Variants in SLC4A8 observed in about 807,000 individuals in gnomAD.
SLC4A8 encodes solute carrier family 4 member 8.
In SLC4A8, 40 loss-of-function variants were observed where a neutral mutation model predicts 125.0. The ratio of observed to expected loss-of-function variants is 0.32; its 90% confidence interval spans 0.25 to 0.42. SLC4A8 has a LOEUF of 0.42. Among genes scored for constraint, SLC4A8 ranks in the 10% least tolerant of loss-of-function variants. SLC4A8 has a pLI of 1.00. For synonymous variants in SLC4A8, 456 were observed against 476.0 expected (o/e 0.96, Z 0.55); for missense variants, 863 against 1,355.1 (o/e 0.64, Z 5.70).
chr12:51,465,731 A>G (rs1950491355), intron 11 of SLC4A8, among the ~76,000 whole-genome samples: 1 of 152,204 alleles, frequency 6.6e-6, no homozygotes, highest in African/African-American at 2.4e-5. Context: ...AAGGGCCTCA[A>G]GCCATATGAC....
At chr12:51,468,732 C>T (rs886712771) in intron 11 of SLC4A8, among the ~76,000 whole-genome samples, 2 of 152,186 alleles carry the variant, frequency 1.3e-5, no homozygotes, top group African/African-American at 4.8e-5. Flanking sequence ...TGCACTCCAA[C>T]CTGGGCAACA....
intron 22 of SLC4A8, 118 bp downstream of exon 22, chr12:51,497,242 AT>A: frequency 1.9e-6 from 2 of 1,058,320 alleles, no homozygotes; most frequent in Non-Finnish European, 2.7e-6. Context: ...AGCTGGGAAG[AT>A]TACCCCCAAA....
At chr12:51,402,735 A>G (rs1420166844) in intron 1 of SLC4A8, among the ~76,000 whole-genome samples, 1 of 152,192 alleles carries the variant, frequency 6.6e-6, no homozygotes, top group Non-Finnish European at 1.5e-5. Flanking sequence ...AAAATAAAAA[A>G]TGAAAGCTAA....
intron 2 of SLC4A8, among the ~76,000 whole-genome samples, chr12:51,450,166 C>A (rs1351255765): frequency 6.6e-6 from 1 of 152,094 alleles, no homozygotes; most frequent in Non-Finnish European, 1.5e-5. Flanking sequence ...TCATGACTTA[C>A]AACTAGTCTC....
chr12:51,470,937 A>G (rs1217729822), intron 13 of SLC4A8, among the ~76,000 whole-genome samples: 1 of 151,722 alleles, frequency 6.6e-6, no homozygotes, highest in Non-Finnish European at 1.5e-5. Context: ...ATTTTCCTAT[A>G]CAATCTTTTC....
Position 51,440,775 on chromosome 12 carries a change from A to G in SLC4A8, c.116A>G (p.Lys39Arg), listed in dbSNP as rs780060742. 2 of 1,607,760 alleles carry G rather than the reference A, an allele frequency of 1.2e-6. No homozygotes were observed. The highest frequency in any genetic ancestry group is 1.7e-6 in the Non-Finnish European group (2 of 1,178,228). ...TSTILNIHYE[K>R]EELEGHRTLY... Reference sequence around the variant, plus strand: ...ACAATTCTCAACATTCACTATGAAAAAGAAGAGCTGGAAGGTAAGAACTGC... The same window carrying G: ...ACAATTCTCAACATTCACTATGAAAGAGAAGAGCTGGAAGGTAAGAACTGC... The change falls in exon 2 of 25, where the codon AAA becomes AGA. Residue 39 changes from lysine to arginine, a missense_variant. Around this residue, in one of 6 missense-constraint regions of SLC4A8, gnomAD observed 104 missense variants for 116.4 expected, o/e 0.89. Transcript: ENST00000453097.
At chr12:51,418,819 G>A (rs1436014360) in intron 1 of SLC4A8, among the ~76,000 whole-genome samples, 1 of 152,108 alleles carries the variant, frequency 6.6e-6, no homozygotes. Context: ...AGAGTAGCTT[G>A]GATTGAATTT....
intron 1 of SLC4A8, among the ~76,000 whole-genome samples, chr12:51,401,401 G>A (rs1292570767): frequency 6.6e-6 from 1 of 152,216 alleles, no homozygotes; most frequent in Non-Finnish European, 1.5e-5. Flanking sequence ...AAGGGAGATG[G>A]AGTGGAAAGG....
At chr12:51,420,517 T>C (rs762993038), upstream of SLC4A8, among the ~76,000 whole-genome samples, 1 of 152,222 alleles carries the variant, frequency 6.6e-6, no homozygotes, top group Non-Finnish European at 1.5e-5. Context: ...GCCTCATGCT[T>C]CCTTGAGAAG....
chr12:51,504,082 G>A lies in SLC4A8; in HGVS notation c.3135G>A (p.Arg1045=), dbSNP rs887384073. Residue 1045 remains arginine (R), a synonymous_variant, in exon 23 of 25, where the codon AGG becomes AGA. Transcript: ENST00000453097. ...IGGDKFPLES[R]KLLSSPGKNI... is the part of the protein sequence containing the mutation. ...GAGACAAGTTTCCCTTAGAGAGCAGGAAGTTACTAAGTAGTCCTGGAAAGA... is the reference window on the plus strand; with the variant it reads ...GAGACAAGTTTCCCTTAGAGAGCAGAAAGTTACTAAGTAGTCCTGGAAAGA... 5 of 1,589,680 alleles carry A rather than the reference G, an allele frequency of 3.1e-6. No individual in the cohort carries two copies. The Admixed American group carries it at 8.8e-5, about 28-fold the overall frequency.
chr12:51,392,724 C>T (rs1948165680), intron 1 of SLC4A8: 1 of 152,086 alleles, frequency 6.6e-6, no homozygotes, highest in Non-Finnish European at 1.5e-5. Flanking sequence ...GAACCCTGAA[C>T]AATTAGTGGC....
rs759720783 is a variant in SLC4A8, at chr12:51,447,060, A to ATCTG, written c.131-3813_131-3812insGTCT. On this transcript the variant is annotated intron_variant, in intron 2 of 24. Transcript: ENST00000453097. ...TGCCTGTCTGTCTGTCTGTCTGTCT[A>ATCTG]TCTATCTGTCTATCTATCTATCTAT... Among the ~76,000 whole-genome samples, 1,157 of 151,918 alleles carry ATCTG rather than the reference A, an allele frequency of 7.6e-3. 8 individuals are homozygous for ATCTG. The highest frequency in any genetic ancestry group is 0.023 in the African/African-American group (945 of 41,346).
upstream of SLC4A8, among the ~76,000 whole-genome samples, chr12:51,422,449 G>A (rs918842005): frequency 6.6e-6 from 1 of 152,054 alleles, no homozygotes; most frequent in African/African-American, 2.4e-5. Context: ...GCCTCTCCTG[G>A]GCTCAGGTGA....
At chr12:51,480,307 T>C (rs1301113216) in intron 16 of SLC4A8, 4 of 1,226,602 alleles carry the variant, frequency 3.3e-6, no homozygotes, top group Middle Eastern at 2.6e-4. Context: ...GCTTAAAATG[T>C]ATTTATATGT....
intron 2 of SLC4A8, among the ~76,000 whole-genome samples, chr12:51,445,436 G>A (rs888311050): frequency 2.6e-5 from 4 of 152,164 alleles, no homozygotes; most frequent in African/African-American, 4.8e-5. Context: ...CCAGAGTGTT[G>A]AGATAACAGG....
chr12:51,414,054 C>T (rs1948641188), intron 1 of SLC4A8, among the ~76,000 whole-genome samples: 3 of 152,070 alleles, frequency 2.0e-5, no homozygotes, highest in Non-Finnish European at 4.4e-5. Flanking sequence ...CATCCATGAG[C>T]AGGAGATGTC....
At chr12:51,440,887 G>C in intron 2 of SLC4A8, 98 bp downstream of exon 2, 1 of 1,089,640 alleles carries the variant, frequency 9.2e-7, no homozygotes, top group African/African-American at 1.6e-5. Context: ...CTAGCTGTCA[G>C]ACCTTGGGGA....
intron 1 of SLC4A8, among the ~76,000 whole-genome samples, chr12:51,408,332 T>C (rs73095153): frequency 0.084 from 12,735 of 152,110 alleles, 616 homozygotes; most frequent in East Asian, 0.22. Context: ...TGGGTTCAAG[T>C]GACTCTCATG....
chr12:51,411,494 T>G (rs1373591847), intron 1 of SLC4A8, among the ~76,000 whole-genome samples: 1 of 151,906 alleles, frequency 6.6e-6, no homozygotes, highest in Non-Finnish European at 1.5e-5. Context: ...GAGGCTGAGG[T>G]AGGAGGATCA....
Sources: allele counts gnomAD v4.1 joint callset (sites outside exome capture counted in the v4.1 genomes callset), GRCh38; gene constraint gnomAD v4.1.1; regional missense constraint gnomAD v4.1.1; transcripts MANE v1.5; gene names NCBI Gene and HGNC (gene_info 2026-07-23, HGNC 2026-07-21).